The following LRRIQ1 variants were observed in gnomAD, a reference collection of about 807,000 sequenced individuals.
The protein encoded by LRRIQ1 is leucine rich repeats and IQ motif containing 1, also known as leucine-rich repeat- and IQ domain-containing protein 1.
LRRIQ1 carries 210 observed loss-of-function variants against 211.9 expected under a neutral mutation model. The ratio of observed to expected loss-of-function variants is 0.99; its 90% confidence interval spans 0.89 to 1.11. The LOEUF (loss-of-function observed/expected upper bound fraction) is 1.11. LRRIQ1 is among the 50% of genes most tolerant of loss of function. LRRIQ1 has a pLI of 0.00. For synonymous variants in LRRIQ1, 699 were observed against 650.1 expected (o/e 1.08, Z -1.14); for missense variants, 2,136 against 1,939.5 (o/e 1.10, Z -1.90).
At chr12:85,121,669 T>G in intron 15 of LRRIQ1, 28 bp from the exon 16 acceptor site, 1 of 1,515,450 alleles carries the variant, frequency 6.6e-7, no homozygotes, top group South Asian at 1.3e-5. Flanking sequence ...AAGATCAGGA[T>G]TATTAACTTT....
intron 11 of LRRIQ1, among the ~76,000 whole-genome samples, chr12:85,078,939 G>T (rs1181529048): frequency 3.3e-5 from 5 of 152,084 alleles, no homozygotes; most frequent in African/African-American, 9.7e-5. Flanking sequence ...TAAACAAAGA[G>T]TTATACTGGG....
intron 26 of LRRIQ1, among the ~76,000 whole-genome samples, chr12:85,235,706 A>G (rs1483719603): frequency 6.6e-6 from 1 of 152,170 alleles, no homozygotes; most frequent in Non-Finnish European, 1.5e-5. Flanking sequence ...GATAATATCA[A>G]GGCAAGTTTA....
chr12:85,160,264 C>T (rs943700402), intron 23 of LRRIQ1, among the ~76,000 whole-genome samples: 3 of 151,848 alleles, frequency 2.0e-5, no homozygotes, highest in Admixed American at 2.0e-4. Context: ...CAAAGAAAAA[C>T]CACTATTTTA....
chr12:85,038,440 A>G, intron 2 of LRRIQ1, 132 bp downstream of exon 2: 4 of 405,500 alleles, frequency 9.9e-6, no homozygotes, highest in Non-Finnish European at 1.5e-5. Context: ...AATATAAATT[A>G]TATTGAATAT....
Position 85,066,769 on chromosome 12 carries a change from G to A in LRRIQ1, c.2566G>A (p.Glu856Lys), listed in dbSNP as rs1168364097. 1 of 1,594,550 alleles carries A rather than the reference G, an allele frequency of 6.3e-7. No individual in the cohort carries two copies. The highest frequency in any genetic ancestry group is 8.5e-7 in the Non-Finnish European group (1 of 1,172,344). Residue 856 changes from glutamate to lysine, a missense_variant, in exon 10 of 27, where the codon GAG becomes AAG. Glu to Lys is a moderately conservative substitution (Grantham distance 56). Transcript: ENST00000393217. Reference protein sequence around the residue: ...DAQENHIEAIECENLENLCVV... With the variant: ...DAQENHIEAIKCENLENLCVV... ...TCAGGAAAACCATATTGAGGCTATTGAGTGTGAAAATTTGGAAAATCTCTG... is the reference window on the plus strand; with the variant it reads ...TCAGGAAAACCATATTGAGGCTATTAAGTGTGAAAATTTGGAAAATCTCTG...
chr12:85,229,571 G>A lies in LRRIQ1; in HGVS notation c.4877G>A (p.Arg1626Gln), dbSNP rs375364701. The change falls in exon 25 of 27, where the codon CGG becomes CAG. Residue 1626 changes from arginine (R) to glutamine (Q), a missense_variant. Transcript: ENST00000393217. ...ACCACTGCAAATGAAAAATTAGAAC[G>A]GAATAGAGAATATACATACCAATGG... is the stretch of plus-strand genomic sequence containing the variant. ...KDTTANEKLERNREYTYQWLH... is the reference protein window; with the variant it reads ...KDTTANEKLEQNREYTYQWLH... The A allele has an allele frequency of 8.9e-5, 144 of 1,612,296 alleles. No homozygotes were observed. The highest frequency in any genetic ancestry group is 5.6e-4 in the African/African-American group (42 of 74,900).
intron 1 of LRRIQ1, among the ~76,000 whole-genome samples, chr12:85,250,897 A>ATATAT (rs1895908672): frequency 3.1e-5 from 3 of 96,258 alleles, no homozygotes; most frequent in African/African-American, 1.5e-4. Flanking sequence ...AATATATTTT[A>ATATAT]TATATTATAT....
At position 85,079,731 on chromosome 12, in the gene LRRIQ1, T is replaced by A. The variant is rs567486618; in HGVS notation, c.2887+6633T>A. 5.3e-5 allele frequency among the ~76,000 whole-genome samples: 8 copies of A among 152,252 alleles called. No homozygotes were observed. The East Asian group carries it at 1.2e-3, about 22-fold the overall frequency. ...CATTGATGTATTTGAGATTAAACCA[T>A]CTTACTATTTTTTATTCTGTTCATT... On this transcript the variant is annotated intron_variant, in intron 11 of 26. Transcript: ENST00000393217.
At position 85,075,885 on chromosome 12, in the gene LRRIQ1, A is replaced by T. The variant is rs536768239; in HGVS notation, c.2887+2787A>T. On this transcript the variant is annotated intron_variant, in intron 11 of 26. Transcript: ENST00000393217. ...AAAAAAAAAATTCTGACCCCACCAG[A>T]TAAGAAAACTGAGACACAAAGAAGT... 3.3e-4 allele frequency among the ~76,000 whole-genome samples: 50 copies of T among 152,222 alleles called. 2 individuals carry two copies. In the South Asian group the frequency reaches 9.5e-3, roughly 29 times the overall value.
chr12:85,050,199 G>T (rs10746337), intron 6 of LRRIQ1, among the ~76,000 whole-genome samples: 1 of 152,138 alleles, frequency 6.6e-6, no homozygotes, highest in African/African-American at 2.4e-5. Flanking sequence ...CAACACTGGG[G>T]AGTAGAGTTC....
At chr12:85,090,026 A>T (rs1441242189) in intron 11 of LRRIQ1, among the ~76,000 whole-genome samples, 1 of 152,192 alleles carries the variant, frequency 6.6e-6, no homozygotes. Flanking sequence ...TGGCCACAGG[A>T]TACTGCTCCC....
chr12:85,226,401 A>C (rs1229432004), intron 24 of LRRIQ1, among the ~76,000 whole-genome samples: 4 of 152,168 alleles, frequency 2.6e-5, no homozygotes, highest in Non-Finnish European at 5.9e-5. Flanking sequence ...TGGCCTGGTC[A>C]CTAAGGAAAC....
intron 24 of LRRIQ1, among the ~76,000 whole-genome samples, chr12:85,187,860 C>T (rs181316082): frequency 2.0e-4 from 31 of 151,450 alleles, no homozygotes; most frequent in Admixed American, 1.9e-3. Flanking sequence ...TTGCTGCTTC[C>T]CTAGTAGCCA....
At position 85,107,403 on chromosome 12, in the gene LRRIQ1, T is replaced by G. The variant is rs139136467; in HGVS notation, c.3377+788T>G. On this transcript the variant is annotated intron_variant, in intron 15 of 26. Transcript: ENST00000393217. ...TCCACTCTTTTATGGCTTTCATTGTTTCTGGTGAGAAATGTCTACTGACAT... is the reference window on the plus strand; with the variant it reads ...TCCACTCTTTTATGGCTTTCATTGTGTCTGGTGAGAAATGTCTACTGACAT... Among the ~76,000 whole-genome samples the G allele has an allele frequency of 1.8e-4, 27 of 152,258 alleles. No individual in the cohort carries two copies. The East Asian group carries it at 4.8e-3, about 27-fold the overall frequency.
At chr12:85,099,845 A>G (rs1886208324) in intron 13 of LRRIQ1, among the ~76,000 whole-genome samples, 1 of 151,822 alleles carries the variant, frequency 6.6e-6, no homozygotes, top group Non-Finnish European at 1.5e-5. Context: ...TTAAGCAGGC[A>G]TATACTAAAT....
At chr12:85,260,538 ATC>A (rs1288899676) in intron 1 of LRRIQ1, among the ~76,000 whole-genome samples, 3 of 152,148 alleles carry the variant, frequency 2.0e-5, no homozygotes, top group Non-Finnish European at 4.4e-5. Context: ...TGTTTTATTA[ATC>A]TCTTTTTTAT....
downstream of LRRIQ1, chr12:85,245,126 A>G (rs1014304415): frequency 6.5e-6 from 7 of 1,073,456 alleles, no homozygotes; most frequent in Non-Finnish European, 8.8e-6. Flanking sequence ...TTTTATTTTA[A>G]TTGTATTTGG....
chr12:85,171,504 A>G (rs1266432260), intron 24 of LRRIQ1, among the ~76,000 whole-genome samples: 1 of 152,220 alleles, frequency 6.6e-6, no homozygotes, highest in Non-Finnish European at 1.5e-5. Flanking sequence ...AATTTTAATA[A>G]GAGCCACAGA....
chr12:85,119,913 AG>A (rs1328621710), intron 15 of LRRIQ1, among the ~76,000 whole-genome samples: 1 of 152,188 alleles, frequency 6.6e-6, no homozygotes, highest in African/African-American at 2.4e-5. Flanking sequence ...ATTGGATAAC[AG>A]TTCTTAAACA....
Sources: gnomAD v4.1 joint callset for allele counts (sites outside exome capture counted in the v4.1 genomes callset) on GRCh38, gnomAD v4.1.1 for gene constraint, MANE v1.5 for transcripts, NCBI Gene and HGNC (gene_info 2026-07-23, HGNC 2026-07-21) for gene names.